Variants in CLIC5 observed in about 807,000 individuals in gnomAD.
The protein encoded by CLIC5 is chloride intracellular channel protein 5.
In CLIC5, 20 loss-of-function variants were observed where a neutral mutation model predicts 24.7. That is an observed-to-expected ratio of 0.81 (90% CI 0.57 to 1.18). CLIC5 has a LOEUF of 1.18. CLIC5 is among the 50% of genes most tolerant of loss of function. CLIC5 has a pLI of 0.00. For synonymous variants in CLIC5, 159 were observed against 135.6 expected (o/e 1.17, Z -1.20); for missense variants, 341 against 326.1 (o/e 1.05, Z -0.35).
chr6:46,050,783 C>T lies in CLIC5; in HGVS notation c.540+28920G>A, dbSNP rs6910029. Among the ~76,000 whole-genome samples, 3 of 151,636 alleles carry T rather than the reference C, an allele frequency of 2.0e-5. 1 individual carries two copies. The South Asian group carries it at 6.2e-4, about 32-fold the overall frequency. On this transcript the variant is annotated intron_variant, in intron 1 of 5. Coordinates refer to the CLIC5 transcript ENST00000185206. ...TCTACTGGTCCTCTTTTTTTCTTGG[C>T]GATTTTAAGGTCAAGAAACTACCCT...
intron 1 of CLIC5, among the ~76,000 whole-genome samples, chr6:46,075,768 C>G (rs771640570): frequency 2.0e-5 from 3 of 152,168 alleles, no homozygotes; most frequent in Non-Finnish European, 4.4e-5. Context: ...CTCTCCATCT[C>G]TCTCACCACC....
intron 1 of CLIC5, among the ~76,000 whole-genome samples, chr6:46,023,135 C>G (rs552318833): frequency 3.3e-5 from 5 of 152,182 alleles, no homozygotes; most frequent in Admixed American, 2.0e-4. Flanking sequence ...GGATTTTGAC[C>G]TTCCACCAGT....
At chr6:46,058,932 T>TCTG (rs1768339636) in intron 1 of CLIC5, among the ~76,000 whole-genome samples, 1 of 152,202 alleles carries the variant, frequency 6.6e-6, no homozygotes. Flanking sequence ...GCAGGTTGCA[T>TCTG]CTGTGTTGGA....
At chr6:46,093,236 G>A in the CLIC5 span, among the ~76,000 whole-genome samples, 8 of 152,088 alleles carry the variant, frequency 5.3e-5, no homozygotes, top group Admixed American at 1.3e-4. Context: ...ACCTGGTCCC[G>A]GCTTACCACC....
At chr6:46,010,668 C>G (rs1766775948) in intron 1 of CLIC5, among the ~76,000 whole-genome samples, 1 of 152,214 alleles carries the variant, frequency 6.6e-6, no homozygotes, top group South Asian at 2.1e-4. Context: ...TGGACGTCAG[C>G]TTCTGCAGAC....
At chr6:46,112,675 CTT>C in the CLIC5 span, among the ~76,000 whole-genome samples, 1 of 152,082 alleles carries the variant, frequency 6.6e-6, no homozygotes, top group Non-Finnish European at 1.5e-5. Flanking sequence ...AAATTCAAAG[CTT>C]TGTGTGGAGG....
chr6:45,895,401 A>G (rs538979862), downstream of CLIC5, among the ~76,000 whole-genome samples: 36 of 152,326 alleles, frequency 2.4e-4, no homozygotes, highest in African/African-American at 8.2e-4. Context: ...TTTCAGCCAG[A>G]CAGATAAATG....
At chr6:45,998,418 G>A (rs1348686031) in intron 1 of CLIC5, among the ~76,000 whole-genome samples, 1 of 152,164 alleles carries the variant, frequency 6.6e-6, no homozygotes, top group Non-Finnish European at 1.5e-5. Context: ...AAGTGCAGGG[G>A]AAGTGAGAGG....
At chr6:45,981,170 A>G (rs1234787993) in intron 1 of CLIC5, among the ~76,000 whole-genome samples, 5 of 151,890 alleles carry the variant, frequency 3.3e-5, no homozygotes, top group South Asian at 2.1e-4. Context: ...TGGTTTTTCC[A>G]TGTTTCCCAG....
At chr6:45,920,081 G>T in intron 4 of CLIC5, 2 of 785,616 alleles carry the variant, frequency 2.5e-6, no homozygotes, top group Non-Finnish European at 3.1e-6. Flanking sequence ...TCATTCCCCT[G>T]ACAAAAGAGG....
chr6:45,966,710 C>T (rs1398301685), intron 1 of CLIC5, among the ~76,000 whole-genome samples: 2 of 152,044 alleles, frequency 1.3e-5, no homozygotes, highest in Non-Finnish European at 2.9e-5. Context: ...GGCCCCACTC[C>T]TACTTCCCAC....
At chr6:46,033,446 A>G (rs1476071116) in intron 1 of CLIC5, among the ~76,000 whole-genome samples, 1 of 152,222 alleles carries the variant, frequency 6.6e-6, no homozygotes, top group Non-Finnish European at 1.5e-5. Context: ...TCATTTGGTC[A>G]TATATCCAGA....
intron 1 of CLIC5, among the ~76,000 whole-genome samples, chr6:46,061,370 T>C (rs867903689): frequency 1.3e-4 from 20 of 152,214 alleles, no homozygotes; most frequent in African/African-American, 4.8e-4. Context: ...TTTTGTGTGT[T>C]TTATTAGAGA....
intron 4 of CLIC5, among the ~76,000 whole-genome samples, chr6:45,940,637 C>G (rs1220051901): frequency 1.3e-5 from 2 of 152,162 alleles, no homozygotes; most frequent in Non-Finnish European, 2.9e-5. Context: ...TCATGGAGCA[C>G]TTAAGTTGCT....
chr6:46,042,944 G>A (rs1383813426), intron 1 of CLIC5, among the ~76,000 whole-genome samples: 1 of 152,182 alleles, frequency 6.6e-6, no homozygotes, highest in Non-Finnish European at 1.5e-5. Flanking sequence ...GGAGGGCCAA[G>A]GCACATGCTT....
Position 46,006,127 on chromosome 6 carries a change from CATATATAT to C in CLIC5, c.63+9345_63+9352del, listed in dbSNP as rs58643121. Among the ~76,000 whole-genome samples, 28 of 35,178 alleles carry C rather than the reference CATATATAT, an allele frequency of 8.0e-4. 2 individuals carry two copies. The highest frequency in any genetic ancestry group is 3.7e-4 in the African/African-American group (2 of 5,414). 23.1% of individuals were successfully genotyped at this position (35,178 alleles called of 152,430 possible). A position where few individuals can be genotyped will look rare whatever the true frequency, so the allele number is the denominator to read the frequency against. On this transcript the variant is annotated intron_variant, in intron 1 of 5. Coordinates refer to ENST00000339561, the MANE Select transcript of CLIC5 (RefSeq NM_016929.5). ...ATATATATATACACATGTATAAATACATATATATATATATATATATATATATATATATA... is the reference window on the plus strand; with the variant it reads ...ATATATATATACACATGTATAAATACATATATATATATATATATATATATA...
At chr6:46,118,939 G>A in the CLIC5 span, among the ~76,000 whole-genome samples, 7 of 152,176 alleles carry the variant, frequency 4.6e-5, no homozygotes, top group African/African-American at 1.7e-4. Flanking sequence ...TAATCACGAT[G>A]TGGAATCCTT....
intron 1 of CLIC5, among the ~76,000 whole-genome samples, chr6:46,007,854 G>A (rs1378151259): frequency 2.0e-5 from 3 of 149,826 alleles, no homozygotes; most frequent in African/African-American, 7.3e-5. Context: ...GTGCGTGGCA[G>A]ACCTGGAATC....
At chr6:45,906,218 T>G (rs1762655612) in intron 5 of CLIC5, among the ~76,000 whole-genome samples, 1 of 152,184 alleles carries the variant, frequency 6.6e-6, no homozygotes, top group Non-Finnish European at 1.5e-5. Context: ...CCACACGAAT[T>G]TTTAGAATAG....
Sources: gnomAD v4.1 joint callset for allele counts (sites outside exome capture counted in the v4.1 genomes callset) on GRCh38, gnomAD v4.1.1 for gene constraint, MANE v1.5 for transcripts, NCBI Gene and HGNC (gene_info 2026-07-23, HGNC 2026-07-21) for gene names.